Variants in ASIC2 observed in about 807,000 individuals in gnomAD.
ASIC2 encodes the protein acid-sensing ion channel 2.
In ASIC2, 25 loss-of-function variants were observed where a neutral mutation model predicts 57.3. That is an observed-to-expected ratio of 0.44 (90% confidence interval 0.32 to 0.61). ASIC2 has a LOEUF of 0.61. Ranked by LOEUF, ASIC2 falls within the 20% of genes least tolerant of loss-of-function variation. The pLI is 0.06. For missense variants in ASIC2, 641 were observed against 738.1 expected (o/e 0.87, Z 1.52); for synonymous variants, 319 against 307.5 (o/e 1.04, Z -0.39).
At chr17:33,552,233 C>T (rs1915773680) in intron 1 of ASIC2, among the ~76,000 whole-genome samples, 1 of 152,148 alleles carries the variant, frequency 6.6e-6, no homozygotes, top group Non-Finnish European at 1.5e-5. Flanking sequence ...CCTTATAACC[C>T]AATTTCCAAA....
At chr17:34,113,386 C>A (rs1911334196) in intron 1 of ASIC2, among the ~76,000 whole-genome samples, 1 of 151,928 alleles carries the variant, frequency 6.6e-6, no homozygotes, top group African/African-American at 2.4e-5. Context: ...CATAGCAAGA[C>A]CTTGTCTCTA....
At chr17:33,454,301 G>A (rs1476463079) in intron 1 of ASIC2, among the ~76,000 whole-genome samples, 3 of 152,212 alleles carry the variant, frequency 2.0e-5, no homozygotes, top group Non-Finnish European at 4.4e-5. Context: ...TAGTACAGTG[G>A]ACGGTGGTCT....
At chr17:33,434,950 T>C (rs141039661) in intron 1 of ASIC2, among the ~76,000 whole-genome samples, 103 of 152,322 alleles carry the variant, frequency 6.8e-4, no homozygotes, top group African/African-American at 2.3e-3. Context: ...ATTTATATTG[T>C]CTTTCTGAGA....
intron 1 of ASIC2, among the ~76,000 whole-genome samples, chr17:33,517,842 A>G (rs1477063842): frequency 1.3e-5 from 2 of 152,156 alleles, no homozygotes; most frequent in African/African-American, 4.8e-5. Flanking sequence ...TAAAACTTAA[A>G]GCATAATAAA....
chr17:33,028,434 A>G (rs1356747724), intron 3 of ASIC2, 42 bp from the exon 4 acceptor site: 2 of 1,605,670 alleles, frequency 1.2e-6, no homozygotes, highest in Admixed American at 1.7e-5. Flanking sequence ...GCCTCAACAG[A>G]CTCAGTAACT....
chr17:33,407,723 T>C (rs1910517469), intron 1 of ASIC2, among the ~76,000 whole-genome samples: 1 of 152,228 alleles, frequency 6.6e-6, no homozygotes, highest in Admixed American at 6.5e-5. Flanking sequence ...ATTGGATAAA[T>C]GATTTACTCT....
intron 1 of ASIC2, chr17:34,001,695 G>A (rs1314461968): frequency 1.3e-5 from 2 of 152,286 alleles, no homozygotes; most frequent in Admixed American, 6.5e-5. Context: ...CACATAGAGG[G>A]TATCTCCATG....
At chr17:33,698,216 T>C (rs888554325) in intron 1 of ASIC2, among the ~76,000 whole-genome samples, 8 of 152,204 alleles carry the variant, frequency 5.3e-5, no homozygotes, top group African/African-American at 1.9e-4. Context: ...TGAATCCCTA[T>C]AGTGTAGCGG....
intron 1 of ASIC2, among the ~76,000 whole-genome samples, chr17:33,740,569 G>C (rs987152925): frequency 4.6e-5 from 7 of 152,176 alleles, no homozygotes; most frequent in African/African-American, 1.7e-4. Flanking sequence ...TGGGGATTAT[G>C]CGAGCTACAA....
chr17:33,490,908 T>C (rs1490910690), intron 1 of ASIC2, among the ~76,000 whole-genome samples: 1 of 152,202 alleles, frequency 6.6e-6, no homozygotes, highest in East Asian at 1.9e-4. Context: ...GGTCCTATTT[T>C]ATGAATTGAC....
chr17:33,369,841 G>T (rs867986169), intron 1 of ASIC2, among the ~76,000 whole-genome samples: 1 of 152,108 alleles, frequency 6.6e-6, no homozygotes, highest in Non-Finnish European at 1.5e-5. Context: ...GATCCATTTC[G>T]AGAGCATATT....
intron 1 of ASIC2, among the ~76,000 whole-genome samples, chr17:34,106,323 A>ATC (rs1911053905): frequency 6.6e-6 from 1 of 152,126 alleles, no homozygotes; most frequent in Non-Finnish European, 1.5e-5. Context: ...GACAGTCAGT[A>ATC]TATGAAGTAT....
At chr17:33,975,330 T>G (rs1239861411) in intron 1 of ASIC2, among the ~76,000 whole-genome samples, 1 of 152,114 alleles carries the variant, frequency 6.6e-6, no homozygotes, top group Non-Finnish European at 1.5e-5. Context: ...CCCAGTCTAG[T>G]CCTCTTCCAG....
chr17:33,948,612 G>A (rs1034812940), intron 1 of ASIC2, among the ~76,000 whole-genome samples: 4 of 152,224 alleles, frequency 2.6e-5, no homozygotes, highest in East Asian at 1.9e-4. Flanking sequence ...AAGGCGTGAG[G>A]ACTGGCCCTG....
At chr17:33,448,513 AGAG>A (rs1912124417) in intron 1 of ASIC2, among the ~76,000 whole-genome samples, 1 of 152,238 alleles carries the variant, frequency 6.6e-6, no homozygotes, top group Non-Finnish European at 1.5e-5. Context: ...TTACGCACTC[AGAG>A]GAGAGGACAA....
chr17:33,591,633 G>A (rs578066480), intron 1 of ASIC2, among the ~76,000 whole-genome samples: 3 of 152,260 alleles, frequency 2.0e-5, no homozygotes, highest in African/African-American at 7.2e-5. Context: ...ATTGTTCTCT[G>A]CTGGCCCTGA....
At chr17:34,097,178 C>T (rs1032242870) in intron 1 of ASIC2, among the ~76,000 whole-genome samples, 2 of 152,158 alleles carry the variant, frequency 1.3e-5, no homozygotes, top group Non-Finnish European at 2.9e-5. Flanking sequence ...TCAGGATATG[C>T]CAAGCAGTCT....
intron 1 of ASIC2, among the ~76,000 whole-genome samples, chr17:33,879,439 G>T (rs1230286514): frequency 6.6e-6 from 1 of 151,524 alleles, no homozygotes; most frequent in African/African-American, 2.4e-5. Context: ...GAAAACAAAA[G>T]GCAGGTGTTG....
At chr17:33,036,477 C>T (rs1241046585) in intron 3 of ASIC2, among the ~76,000 whole-genome samples, 1 of 152,160 alleles carries the variant, frequency 6.6e-6, no homozygotes, top group Non-Finnish European at 1.5e-5. Flanking sequence ...ATCACCCAGG[C>T]TGGAGTGCAG....
Sources: allele counts gnomAD v4.1 joint callset (sites outside exome capture counted in the v4.1 genomes callset), GRCh38; gene constraint gnomAD v4.1.1; transcripts MANE v1.5; gene names NCBI Gene and HGNC (gene_info 2026-07-23, HGNC 2026-07-21).